Variants in ZIC3 observed in about 807,000 individuals in gnomAD.
The protein encoded by ZIC3 is Zic family zinc finger 3.
Under a neutral mutation model 18.3 loss-of-function variants are expected in ZIC3, and 6 were observed. The ratio of observed to expected loss-of-function variants is 0.33; its 90% CI spans 0.18 to 0.65. The LOEUF (loss-of-function observed/expected upper bound fraction) is 0.65. ZIC3 is among the 30% of genes least tolerant of loss of function. ZIC3 has a pLI of 0.75. For missense variants in ZIC3, 260 were observed against 410.0 expected, an observed-to-expected ratio of 0.63 and a Z score of 3.16; for synonymous variants, 175 against 177.0, an observed-to-expected ratio of 0.99 and a Z score of 0.09.
At chrX:137,568,735 C>T in intron 1 of ZIC3, 167 bp from the exon 2 acceptor site, 1 of 328,948 alleles carries the variant, frequency 3.0e-6, no homozygotes, top group Admixed American at 3.4e-5. Flanking sequence ...CCAGCGGGCT[C>T]AACCTACGCT....
At chrX:137,573,282 G>C (rs1378986768), downstream of ZIC3, among the ~76,000 whole-genome samples, 5 of 111,407 alleles carry the variant, frequency 4.5e-5, no homozygotes, top group African/African-American at 1.6e-4. Context: ...TTTTCAAAAT[G>C]AGTGATTTTG....
At chrX:137,567,773 G>A in intron 1 of ZIC3, 22 bp downstream of exon 1, 1 of 1,211,756 alleles carries the variant, frequency 8.3e-7, no homozygotes, top group Non-Finnish European at 1.1e-6. Flanking sequence ...AAGCAGGCGG[G>A]CGTGGGTTCC....
rs927632787 is a variant in ZIC3 at position 137,566,465 on chromosome X, C to G, written c.-227C>G. The G allele has an allele frequency of 3.0e-6, 1 of 328,985 alleles. No homozygotes were observed. The highest frequency in any genetic ancestry group is 2.7e-5 in the African/African-American group (1 of 37,039). The allele number at this position is 328,985 out of a possible 1,213,427, so 27.1% of individuals were successfully genotyped here. On this transcript the variant is annotated 5_prime_UTR_variant, in exon 1 of 3. Coordinates refer to ENST00000287538, the MANE Select transcript of ZIC3 (RefSeq NM_003413.4). The stretch of plus-strand genomic sequence containing the variant: ...CTCCCTTCTCCTCCCTCCTCCTCCC[C>G]CCGCCAACACCCCCTCCCTGCTCTT...
At chrX:137,574,085 A>T (rs183367023), downstream of ZIC3, 9 of 113,360 alleles carry the variant, frequency 7.9e-5, no homozygotes, top group Non-Finnish European at 1.5e-4. Flanking sequence ...CCTCTGCCTA[A>T]TCCGGACCTG....
chrX:137,568,818 G>A, intron 1 of ZIC3, 84 bp from the exon 2 acceptor site: 2 of 1,097,008 alleles, frequency 1.8e-6, no homozygotes, highest in Admixed American at 2.2e-5. Flanking sequence ...GAAGACCGCC[G>A]GGAGCTCAGT....
In ZIC3 at chrX:137,577,152, C is replaced by CT. The variant is rs1569347862; in HGVS notation, c.1256dup (p.Ile420AsnfsTer3). 3.8e-6 allele frequency: 2 copies of CT among 524,684 alleles called. No individual in the cohort carries two copies. Among genetic ancestry groups the CT allele is most frequent in the Non-Finnish European group, 7.0e-6 (2 of 286,434 alleles). The allele number at this position is 524,684 out of a possible 1,213,427, so 43.2% of individuals were successfully genotyped here. A position where few individuals can be genotyped will look rare whatever the true frequency, so the allele number is the denominator to read the frequency against. Reference sequence around the variant, plus strand: ...TCCTGCTTGGTATCCGGGACAGTCTCTAATTCCTGACGAAGAACTTGATAC... The same window carrying CT: ...TCCTGCTTGGTATCCGGGACAGTCTCTTAATTCCTGACGAAGAACTTGATAC... On this transcript the variant is annotated frameshift_variant, in exon 3 of 3. Coordinates refer to the ZIC3 transcript ENST00000370606. LOFTEE classifies it high-confidence loss of function.
At chrX:137,577,241 C>G (rs186847793) in exon 3 of ZIC3, 17 of 516,514 alleles carry the variant, frequency 3.3e-5, no homozygotes, top group Non-Finnish European at 4.6e-5. Context: ...GGGTTAATGC[C>G]GAACCTACTG....
chrX:137,567,290 G>A lies in ZIC3; in HGVS notation c.599G>A (p.Arg200His). ...GELFGRADPY[R>H]PVASPRTDPY... is the part of the protein sequence containing the mutation. ...CTGTTCGGCCGTGCTGACCCATACC[G>A]CCCAGTGGCCAGCCCGCGCACGGAC... The change falls in exon 1 of 3, where the codon CGC (arginine) becomes CAC (histidine). Residue 200 changes from arginine (R) to histidine (H), a missense_variant. Physicochemically the swap from Arg to His is conservative, Grantham distance 29 (BLOSUM62 0). Transcript: ENST00000287538. 1 of 1,211,468 alleles carries A rather than the reference G, an allele frequency of 8.3e-7. No homozygotes were observed. Among genetic ancestry groups the A allele is most frequent in the Non-Finnish European group, 1.1e-6 (1 of 895,594 alleles).
chrX:137,568,887 T>G lies in ZIC3; in HGVS notation c.1061-15T>G. 8.3e-7 allele frequency: 1 copy of G among 1,209,852 alleles called. No homozygotes were observed. The highest frequency in any genetic ancestry group is 1.1e-6 in the Non-Finnish European group (1 of 894,778). On this transcript the variant is annotated splice_polypyrimidine_tract_variant and intron_variant, in intron 1 of 2. Coordinates refer to ENST00000287538, the MANE Select transcript of ZIC3 (RefSeq NM_003413.4). ...TGACCGTATTTTACCCCCCTTGGGT[T>G]TTTGCCTTTTGCAGGTGAGAAACCT... is the stretch of plus-strand genomic sequence containing the variant.
At chrX:137,573,610 G>A (rs1047955433), downstream of ZIC3, 5 of 112,509 alleles carry the variant, frequency 4.4e-5, no homozygotes, top group African/African-American at 1.6e-4. Context: ...AAAGTCGAAG[G>A]GCCTCTTAAC....
downstream of ZIC3, among the ~76,000 whole-genome samples, chrX:137,573,238 C>T (rs1931465387): frequency 9.1e-6 from 1 of 109,782 alleles, no homozygotes; most frequent in Non-Finnish European, 1.9e-5. Context: ...TACTTTCCCT[C>T]TTGCACCTTG....
rs199895925 is a variant in ZIC3, at chrX:137,568,330, G to GGATCGATC, written c.1061-567_1061-560dup. Reference sequence around the variant, plus strand: ...CTTGTAAAACTGTCTGGAGCCCCCTGGATCGATCGATCTATCTATCTATCT... The same window carrying GGATCGATC: ...CTTGTAAAACTGTCTGGAGCCCCCTGGATCGATCGATCGATCGATCTATCTATCTATCT... On this transcript the variant is annotated intron_variant, in intron 1 of 2. Coordinates refer to ENST00000287538, the MANE Select transcript of ZIC3 (RefSeq NM_003413.4). 2.7e-3 allele frequency among the ~76,000 whole-genome samples: 267 copies of GGATCGATC among 100,260 alleles called. 1 individual carries two copies. Among genetic ancestry groups the GGATCGATC allele is most frequent in the African/African-American group, 6.8e-3 (185 of 27,367 alleles). 87.1% of individuals were successfully genotyped at this position (100,260 alleles called of 115,157 possible). A position where few individuals can be genotyped will look rare whatever the true frequency, so the allele number is the denominator to read the frequency against.
In ZIC3 at chrX:137,570,125, A is replaced by C; in HGVS notation, c.*55A>C. 8.6e-7 allele frequency: 1 copy of C among 1,163,482 alleles called. No homozygotes were observed. The highest frequency in any genetic ancestry group is 1.8e-5 in the South Asian group (1 of 55,869). Reference sequence around the variant, plus strand: ...ATGGACCAAATACATTTTTAAAAGAAAACTGAGACCAATCAGATGGAAATG... The same window carrying C: ...ATGGACCAAATACATTTTTAAAAGACAACTGAGACCAATCAGATGGAAATG... On this transcript the variant is annotated 3_prime_UTR_variant, in exon 3 of 3. Coordinates refer to ENST00000287538, the MANE Select transcript of ZIC3 (RefSeq NM_003413.4).
rs183286584 is a variant in ZIC3 at position 137,570,559 on chromosome X, A to G, written c.*489A>G. 3.3e-3 allele frequency: 427 copies of G among 130,537 alleles called. 5 individuals carry two copies. Among genetic ancestry groups the G allele is most frequent in the South Asian group, 0.021 (88 of 4,121 alleles). 10.8% of individuals were successfully genotyped at this position (130,537 alleles called of 1,213,427 possible). ...ACACTTGTGAATGTATTTTTGTCTA[A>G]TAGGGTCGAAACTGTTGTTCAGTAT... On this transcript the variant is annotated 3_prime_UTR_variant, in exon 3 of 3. Coordinates refer to ENST00000287538, the MANE Select transcript of ZIC3 (RefSeq NM_003413.4).
In ZIC3 at chrX:137,566,927, C is replaced by CG; in HGVS notation, c.239dup (p.Tyr81LeufsTer49). 8.6e-7 allele frequency: 1 copy of CG among 1,166,268 alleles called. No individual in the cohort carries two copies. Among genetic ancestry groups the CG allele is most frequent in the Non-Finnish European group, 1.1e-6 (1 of 872,899 alleles). ...AGCTCGGCTTTCACGCCGCAGGGTT[C>CG]GGGCTACGCCAACGCCCTGGGCCAC... On this transcript the variant is annotated frameshift_variant, in exon 1 of 3. Transcript: ENST00000287538. LOFTEE classifies it high-confidence loss of function.
At position 137,569,944 on chromosome X, in the gene ZIC3, A is replaced by G. The variant is rs1290519897; in HGVS notation, c.1278A>G (p.Glu426=). 16 of 1,209,643 alleles carry G rather than the reference A, an allele frequency of 1.3e-5. No individual in the cohort carries two copies. The highest frequency in any genetic ancestry group is 1.8e-5 in the Non-Finnish European group (16 of 895,255). The change falls in exon 3 of 3, where the codon GAA becomes GAG. Residue 426 remains glutamate (E), a synonymous_variant. Transcript: ENST00000287538. ...CCCCTGCTGCCAGTTCAGGCTATGA[A>G]TCTTCCACTCCACCCGCTATAGCTT... ...DSSPAASSGY[E]SSTPPAIASA... is the part of the protein sequence containing the mutation.
At position 137,570,107 on chromosome X, in the gene ZIC3, A is replaced by G; in HGVS notation, c.*37A>G. The G allele has an allele frequency of 8.3e-7, 1 of 1,198,277 alleles. No individual in the cohort carries two copies. Among genetic ancestry groups the G allele is most frequent in the Non-Finnish European group, 1.1e-6 (1 of 883,049 alleles). On this transcript the variant is annotated 3_prime_UTR_variant, in exon 3 of 3. Coordinates refer to ENST00000287538, the MANE Select transcript of ZIC3 (RefSeq NM_003413.4). ...AACCCTGTTAATTATAGAATGGACCAAATACATTTTTAAAAGAAAACTGAG... is the reference window on the plus strand; with the variant it reads ...AACCCTGTTAATTATAGAATGGACCGAATACATTTTTAAAAGAAAACTGAG...
downstream of ZIC3, among the ~76,000 whole-genome samples, chrX:137,573,528 C>T (rs991150613): frequency 8.9e-6 from 1 of 112,214 alleles, no homozygotes; most frequent in Admixed American, 9.4e-5. Flanking sequence ...CCCTTCTCCC[C>T]GCCTGATGTC....
At position 137,566,381 on chromosome X, in the gene ZIC3, A is replaced by C; in HGVS notation, c.-311A>C. 2.7e-6 allele frequency: 1 copy of C among 371,147 alleles called. No homozygotes were observed. The highest frequency in any genetic ancestry group is 4.8e-5 in the South Asian group (1 of 20,620). The allele number at this position is 371,147 out of a possible 1,213,427, so 30.6% of individuals were successfully genotyped here. On this transcript the variant is annotated 5_prime_UTR_variant, in exon 1 of 3. Transcript: ENST00000287538. ...CCGCCCTCCACTTACTATTTTGCTT[A>C]TTTTTCTTTGTGCGCGCCTGTTAGT...
Sources: allele counts gnomAD v4.1 joint callset (sites outside exome capture counted in the v4.1 genomes callset), GRCh38; gene constraint gnomAD v4.1.1; transcripts MANE v1.5; gene names NCBI Gene and HGNC (gene_info 2026-07-23, HGNC 2026-07-21).